Variants in PHACTR1 observed in about 807,000 individuals in gnomAD.
The protein encoded by PHACTR1 is phosphatase and actin regulator 1.
PHACTR1 carries 16 observed loss-of-function variants against 69.2 expected under a neutral mutation model. The observed-to-expected ratio is 0.23, with a 90% CI of 0.16 to 0.35. The LOEUF (loss-of-function observed/expected upper bound fraction) is 0.35, where lower values mean the gene tolerates loss of function less well. Among genes scored for constraint, PHACTR1 ranks in the 10% least tolerant of loss-of-function variants. PHACTR1 has a pLI of 1.00. For missense variants in PHACTR1, 510 were observed against 734.7 expected (o/e 0.69, Z 3.54); for synonymous variants, 312 against 284.5 (o/e 1.10, Z -0.97).
At chr6:12,776,483 A>G (rs1008942938) in intron 4 of PHACTR1, among the ~76,000 whole-genome samples, 11 of 152,212 alleles carry the variant, frequency 7.2e-5, no homozygotes, top group Non-Finnish European at 1.6e-4. Context: ...ACCATCCTGC[A>G]AAGACTTCCA....
chr6:12,966,085 C>T (rs550087279), intron 4 of PHACTR1, among the ~76,000 whole-genome samples: 2 of 152,030 alleles, frequency 1.3e-5, no homozygotes, highest in African/African-American at 2.4e-5. Context: ...TGGAGGGCTA[C>T]GAGGAGGAAG....
chr6:13,264,693 T>G (rs1427349191), intron 10 of PHACTR1, among the ~76,000 whole-genome samples: 1 of 152,156 alleles, frequency 6.6e-6, no homozygotes, highest in East Asian at 1.9e-4. Flanking sequence ...CACTCCAGCC[T>G]GGGCCACAGA....
chr6:13,113,645 TA>T (rs993588418), intron 5 of PHACTR1, among the ~76,000 whole-genome samples: 1 of 152,130 alleles, frequency 6.6e-6, no homozygotes, highest in East Asian at 1.9e-4. Flanking sequence ...CAAAACCAGA[TA>T]CCACACAAAA....
chr6:13,261,218 G>A (rs976064941), intron 10 of PHACTR1, among the ~76,000 whole-genome samples: 2 of 152,190 alleles, frequency 1.3e-5, no homozygotes, highest in Non-Finnish European at 2.9e-5. Flanking sequence ...CAGGTGAGAG[G>A]GGTGAGCTGG....
intron 3 of PHACTR1, among the ~76,000 whole-genome samples, chr6:12,727,013 CTTG>C (rs1230130418): frequency 2.6e-5 from 4 of 152,070 alleles, no homozygotes; most frequent in Non-Finnish European, 4.4e-5. Context: ...TCAACAAATA[CTTG>C]TTGTTTTATT....
At chr6:12,728,123 G>T (rs1000304787) in intron 3 of PHACTR1, among the ~76,000 whole-genome samples, 2 of 152,070 alleles carry the variant, frequency 1.3e-5, no homozygotes, top group Admixed American at 1.3e-4. Context: ...ACTAGCCTGG[G>T]CAAAATAACA....
At chr6:13,273,604 AAG>A (rs1778219671) in intron 11 of PHACTR1, 1 of 152,164 alleles carries the variant, frequency 6.6e-6, no homozygotes, top group East Asian at 1.9e-4. Flanking sequence ...TAAAAAAAAA[AAG>A]AGAAAACAGG....
At chr6:12,821,300 A>C (rs919613981) in intron 4 of PHACTR1, among the ~76,000 whole-genome samples, 1 of 151,886 alleles carries the variant, frequency 6.6e-6, no homozygotes, top group Non-Finnish European at 1.5e-5. Context: ...CGTCTCTACT[A>C]AAAAATACAA....
intron 4 of PHACTR1, among the ~76,000 whole-genome samples, chr6:12,916,496 C>T (rs1787016640): frequency 6.7e-6 from 1 of 150,344 alleles, no homozygotes; most frequent in South Asian, 2.1e-4. Flanking sequence ...GACTTGTTTA[C>T]ACGTCAGGCT....
rs115550257 is a variant in PHACTR1 at position 13,049,327 on chromosome 6, T to C, written c.251-4038T>C. Among the ~76,000 whole-genome samples, 310 of 152,292 alleles carry C rather than the reference T, an allele frequency of 2.0e-3. 2 individuals are homozygous for C. Among genetic ancestry groups the C allele is most frequent in the African/African-American group, 7.3e-3 (304 of 41,564 alleles). On this transcript the variant is annotated intron_variant, in intron 4 of 14. Coordinates refer to ENST00000332995, the MANE Select transcript of PHACTR1 (RefSeq NM_030948.6). ...AGCAAATGAACTGAATCAAATGCAG[T>C]TACCCAGTTATCTACTCAGTAAGTC...
chr6:13,237,136 G>A (rs531816298), intron 10 of PHACTR1, among the ~76,000 whole-genome samples: 2 of 152,242 alleles, frequency 1.3e-5, no homozygotes, highest in South Asian at 2.1e-4. Context: ...CAGCACTTTG[G>A]GGGGCCAAAG....
At chr6:13,043,663 C>G (rs902228539) in intron 4 of PHACTR1, among the ~76,000 whole-genome samples, 1 of 152,180 alleles carries the variant, frequency 6.6e-6, no homozygotes, top group African/African-American at 2.4e-5. Context: ...GCCTAAAGTA[C>G]TTACTATTTG....
At chr6:12,850,990 A>G (rs948665033) in intron 4 of PHACTR1, among the ~76,000 whole-genome samples, 1 of 152,222 alleles carries the variant, frequency 6.6e-6, no homozygotes, top group Non-Finnish European at 1.5e-5. Flanking sequence ...GGTGGGGGAC[A>G]TAATTAAACC....
chr6:12,844,352 A>T (rs958622311), intron 4 of PHACTR1, among the ~76,000 whole-genome samples: 1 of 152,098 alleles, frequency 6.6e-6, no homozygotes, highest in Non-Finnish European at 1.5e-5. Flanking sequence ...AGCTGTGATC[A>T]CACCACCGCA....
chr6:12,821,687 G>A (rs548194187), intron 4 of PHACTR1, among the ~76,000 whole-genome samples: 1 of 152,134 alleles, frequency 6.6e-6, no homozygotes, highest in African/African-American at 2.4e-5. Context: ...TTTTTAAAAC[G>A]ATAATATATG....
chr6:12,918,281 G>GAA lies in PHACTR1; in HGVS notation c.251-135084_251-135083insAA, dbSNP rs398072693. 2.6e-5 allele frequency among the ~76,000 whole-genome samples: 4 copies of GAA among 151,592 alleles called. No homozygotes were observed. In the East Asian group the frequency reaches 7.7e-4, roughly 29 times the overall value. Reference sequence around the variant, plus strand: ...TCCTCCTCATCTAGGAATCATCAGAGTTCTGGGGAAACACTAGGCTGACAT... The same window carrying GAA: ...TCCTCCTCATCTAGGAATCATCAGAGAATTCTGGGGAAACACTAGGCTGACAT... On this transcript the variant is annotated intron_variant, in intron 4 of 14. Transcript: ENST00000332995.
At chr6:12,962,744 A>G (rs1466267321) in intron 4 of PHACTR1, among the ~76,000 whole-genome samples, 1 of 152,206 alleles carries the variant, frequency 6.6e-6, no homozygotes, top group African/African-American at 2.4e-5. Flanking sequence ...GTTTTGAATT[A>G]GATGTTCCTT....
intron 5 of PHACTR1, among the ~76,000 whole-genome samples, chr6:13,156,533 T>C (rs991527707): frequency 7.9e-5 from 12 of 152,248 alleles, no homozygotes; most frequent in Admixed American, 3.9e-4. Flanking sequence ...ATAAGGAATG[T>C]TTCCATGGAA....
chr6:12,978,099 C>A (rs1795103292), intron 4 of PHACTR1, among the ~76,000 whole-genome samples: 1 of 152,142 alleles, frequency 6.6e-6, no homozygotes, highest in African/African-American at 2.4e-5. Context: ...ATGATATTTC[C>A]TTCCATCTCT....
Sources: gnomAD v4.1 joint callset for allele counts (sites outside exome capture counted in the v4.1 genomes callset) on GRCh38, gnomAD v4.1.1 for gene constraint, MANE v1.5 for transcripts, NCBI Gene and HGNC (gene_info 2026-07-23, HGNC 2026-07-21) for gene names.